The following BSCL2 variants were observed in gnomAD, a reference collection of about 807,000 sequenced individuals.
BSCL2 encodes BSCL2 lipid droplet biogenesis associated, seipin.
Under a neutral mutation model 57.4 loss-of-function variants are expected in BSCL2, and 41 were observed. The observed-to-expected ratio is 0.71, with a 90% CI of 0.56 to 0.93. The LOEUF (loss-of-function observed/expected upper bound fraction) is 0.93. Among genes scored for constraint, BSCL2 ranks in the 40% least tolerant of loss-of-function variants. BSCL2 has a pLI of 0.00. For missense variants in BSCL2, 539 were observed against 586.7 expected, an observed-to-expected ratio of 0.92 and a Z score of 0.84; for synonymous variants, 237 against 227.3, an observed-to-expected ratio of 1.04 and a Z score of -0.38.
intron 1 of BSCL2, chr11:62,706,382 A>C (rs1228939250): frequency 1.9e-5 from 18 of 961,958 alleles, no homozygotes; most frequent in Non-Finnish European, 2.4e-5. Context: ...GGCGGGGTCC[A>C]GCACGGCGGG....
intron 3 of BSCL2, among the ~76,000 whole-genome samples, chr11:62,701,764 G>A (rs1945646803): frequency 6.6e-6 from 1 of 150,948 alleles, no homozygotes; most frequent in South Asian, 2.1e-4. Context: ...CCCAGGAGGT[G>A]GAGGTTGCAG....
upstream of BSCL2, chr11:62,708,696 G>A (rs1326507927): frequency 6.2e-7 from 1 of 1,613,578 alleles, no homozygotes; most frequent in Non-Finnish European, 8.5e-7. Context: ...GGCAGCAGCA[G>A]ACCTGATGAC....
chr11:62,700,084 T>TAAAAAAAA (rs34412546), intron 3 of BSCL2, among the ~76,000 whole-genome samples: 1 of 80,228 alleles, frequency 1.2e-5, no homozygotes, highest in East Asian at 3.8e-4. Context: ...TACTAAAAAT[T>TAAAAAAAA]AAAAAAAAAA....
chr11:62,702,460 A>G lies in BSCL2; in HGVS notation c.486+8T>C. 2.5e-6 allele frequency: 4 copies of G among 1,608,878 alleles called. No homozygotes were observed. The highest frequency in any genetic ancestry group is 3.4e-6 in the Non-Finnish European group (4 of 1,175,796). ...CTAATGAAACCTCTCTCTAGTTCCCATACTCACCCGATCACGTCCACCCTT... is the reference window on the plus strand; with the variant it reads ...CTAATGAAACCTCTCTCTAGTTCCCGTACTCACCCGATCACGTCCACCCTT... On this transcript the variant is annotated splice_region_variant and intron_variant, in intron 3 of 10. Coordinates refer to ENST00000360796, the MANE Select transcript of BSCL2 (RefSeq NM_001122955.4).
chr11:62,694,012 C>T (rs1014038820), intron 4 of BSCL2, among the ~76,000 whole-genome samples: 14 of 151,384 alleles, frequency 9.2e-5, no homozygotes, highest in African/African-American at 4.9e-5. Flanking sequence ...CGGGATTTCT[C>T]CATGTTGGTC....
intron 4 of BSCL2, among the ~76,000 whole-genome samples, chr11:62,693,684 C>T (rs1291089726): frequency 6.6e-6 from 1 of 152,072 alleles, no homozygotes; most frequent in Non-Finnish European, 1.5e-5. Context: ...GGACACAAGC[C>T]CATGTCTGTC....
intron 5 of BSCL2, 90 bp downstream of exon 5, chr11:62,692,573 T>C: frequency 6.2e-7 from 1 of 1,612,224 alleles, no homozygotes; most frequent in African/African-American, 1.3e-5. Context: ...TCAGTTGTGA[T>C]GTCTCCTGAG....
intron 6 of BSCL2, among the ~76,000 whole-genome samples, chr11:62,691,695 G>A (rs1269995414): frequency 2.6e-5 from 4 of 152,092 alleles, no homozygotes; most frequent in Non-Finnish European, 4.4e-5. Context: ...CTAAGCCAAC[G>A]GTTCAAAAGA....
chr11:62,709,391 C>T (rs1389425739), upstream of BSCL2: 3 of 453,938 alleles, frequency 6.6e-6, no homozygotes, highest in Non-Finnish European at 1.3e-5. Flanking sequence ...GCTCAAGAGG[C>T]TGCGAAGAGC....
In BSCL2 at chr11:62,705,278, T is replaced by C. The variant is rs373413049; in HGVS notation, c.404+23A>G. The stretch of plus-strand genomic sequence containing the variant: ...TTACAATTCCCATAGGAGTCCTCTA[T>C]TTTGATAGAAGGCCCCTCTCACCTG... On this transcript the variant is annotated intron_variant, in intron 2 of 10. Coordinates refer to ENST00000360796, the MANE Select transcript of BSCL2 (RefSeq NM_001122955.4). 559 of 1,584,954 alleles carry C rather than the reference T, an allele frequency of 3.5e-4. 7 individuals carry two copies. In the South Asian group the frequency reaches 4.0e-3, roughly 11 times the overall value.
intron 3 of BSCL2, among the ~76,000 whole-genome samples, chr11:62,701,610 T>A (rs1229611867): frequency 3.3e-5 from 5 of 152,008 alleles, no homozygotes; most frequent in African/African-American, 7.2e-5. Context: ...GGCGGGCAGA[T>A]CACAAGGTCA....
chr11:62,695,606 G>A (rs563051964), intron 3 of BSCL2, among the ~76,000 whole-genome samples: 45 of 151,218 alleles, frequency 3.0e-4, no homozygotes, highest in African/African-American at 1.1e-3. Context: ...AGCCACTCAG[G>A]AGGCTGAGGC....
At chr11:62,709,346 G>C (rs957875875), upstream of BSCL2, 3 of 453,942 alleles carry the variant, frequency 6.6e-6, no homozygotes, top group Non-Finnish European at 1.3e-5. Context: ...GGGCGCGAGA[G>C]AGCGTCCACA....
At chr11:62,708,396 T>G, upstream of BSCL2, 1 of 1,603,696 alleles carries the variant, frequency 6.2e-7, no homozygotes. Context: ...CGGATAAAGG[T>G]AGGTGGGACC....
intron 3 of BSCL2, among the ~76,000 whole-genome samples, chr11:62,698,025 A>C (rs1409373120): frequency 6.8e-6 from 1 of 148,016 alleles, no homozygotes; most frequent in Non-Finnish European, 1.5e-5. Flanking sequence ...CTCCTGCCTC[A>C]GTCTCCCGAG....
intron 1 of BSCL2, chr11:62,705,894 CTA>C (rs1386840125): frequency 2.2e-6 from 1 of 464,284 alleles, no homozygotes; most frequent in East Asian, 3.5e-5. Flanking sequence ...TCATTCACAG[CTA>C]TATAACAAAG....
intron 3 of BSCL2, among the ~76,000 whole-genome samples, chr11:62,696,300 G>GTGTGTGTA (rs1945460430): frequency 6.6e-6 from 1 of 151,214 alleles, no homozygotes; most frequent in Admixed American, 6.6e-5. Context: ...GTGTGTGTGT[G>GTGTGTGTA]TGTGTGTGTG....
chr11:62,694,826 C>CT (rs1945409350), intron 3 of BSCL2, 115 bp from the exon 4 acceptor site: 3 of 1,271,816 alleles, frequency 2.4e-6, no homozygotes, highest in Non-Finnish European at 3.3e-6. Flanking sequence ...CCACAACCCT[C>CT]TTGGGTAGCC....
chr11:62,700,952 CAAA>C (rs11306420), intron 3 of BSCL2, among the ~76,000 whole-genome samples: 5 of 144,846 alleles, frequency 3.5e-5, no homozygotes, highest in Non-Finnish European at 3.0e-5. Context: ...GACTCTGTCT[CAAA>C]AAAAAAAAAA....
Sources: allele counts gnomAD v4.1 joint callset (sites outside exome capture counted in the v4.1 genomes callset), GRCh38; gene constraint gnomAD v4.1.1; transcripts MANE v1.5; gene names NCBI Gene and HGNC (gene_info 2026-07-23, HGNC 2026-07-21).